The following HS1BP3 variants were observed in gnomAD, a reference collection of about 807,000 sequenced individuals.
The protein encoded by HS1BP3 is HCLS1-binding protein 3.
Under a neutral mutation model 33.5 loss-of-function variants are expected in HS1BP3, and 32 were observed. That is an observed-to-expected ratio of 0.95 (90% CI 0.72 to 1.28). HS1BP3 has a LOEUF of 1.28. Ranked by LOEUF, HS1BP3 falls within the 50% of genes most tolerant of loss-of-function variation. The pLI is 0.00. For synonymous variants in HS1BP3, 187 were observed against 209.2 expected, an observed-to-expected ratio of 0.89 and a Z score of 0.92; for missense variants, 486 against 502.3, an observed-to-expected ratio of 0.97 and a Z score of 0.31.
chr2:20,595,096 G>T (rs1359739584), intron 3 of HS1BP3, among the ~76,000 whole-genome samples: 2 of 152,152 alleles, frequency 1.3e-5, no homozygotes, highest in Non-Finnish European at 2.9e-5. Context: ...CTGCACAGCT[G>T]GAGCAGGGAG....
chr2:20,591,195 C>A (rs1693805228), downstream of HS1BP3: 1 of 167,158 alleles, frequency 6.0e-6, no homozygotes, highest in South Asian at 2.1e-4. Context: ...GAGAGGGACG[C>A]CTCCATCTGT....
At chr2:20,641,324 A>G in intron 2 of HS1BP3, 144 bp from the exon 3 acceptor site, 1 of 680,058 alleles carries the variant, frequency 1.5e-6, no homozygotes, top group Non-Finnish European at 2.5e-6. Flanking sequence ...CCTGTCTCCC[A>G]GCCTCAGGCT....
intron 6 of HS1BP3, among the ~76,000 whole-genome samples, chr2:20,621,958 G>C (rs561038842): frequency 8.0e-4 from 122 of 152,306 alleles, no homozygotes; most frequent in Non-Finnish European, 1.5e-3. Context: ...CAACCAGTGG[G>C]GGGTAAGGGA....
chr2:20,610,541 G>A (rs1008076334), intron 2 of HS1BP3, among the ~76,000 whole-genome samples: 1 of 152,026 alleles, frequency 6.6e-6, no homozygotes. Context: ...TTCATGGCTC[G>A]ATAGCACATT....
At chr2:20,554,696 C>A in the HS1BP3 span, among the ~76,000 whole-genome samples, 1 of 140,518 alleles carries the variant, frequency 7.1e-6, no homozygotes, top group Non-Finnish European at 1.5e-5. Flanking sequence ...AAGAGTGAAA[C>A]TCCACCTCAC....
chr2:20,645,261 G>T, intron 2 of HS1BP3, 79 bp downstream of exon 2: 2 of 1,446,314 alleles, frequency 1.4e-6, no homozygotes, highest in Middle Eastern at 2.1e-4. Flanking sequence ...GATGCTACTT[G>T]AACCCTGGTG....
At chr2:20,558,966 C>T (rs1167992635), downstream of HS1BP3, among the ~76,000 whole-genome samples, 2 of 152,186 alleles carry the variant, frequency 1.3e-5, no homozygotes, top group African/African-American at 4.8e-5. Flanking sequence ...TGCTGTGTGA[C>T]CTGGATGTGC....
At chr2:20,646,885 C>T (rs1216959147) in intron 1 of HS1BP3, among the ~76,000 whole-genome samples, 4 of 152,240 alleles carry the variant, frequency 2.6e-5, no homozygotes, top group African/African-American at 9.6e-5. Flanking sequence ...CCCAGACCCA[C>T]TTAAAATACA....
In HS1BP3 at chr2:20,566,284, G is replaced by A. The variant is rs960817274; in HGVS notation, c.303-5769C>T. ...CCTGTGCCGGGGTACAGCTCTAAGG[G>A]AGACACAGACACTGCTTGGGCTGAC... On this transcript the variant is annotated intron_variant, in intron 5 of 5. Transcript: ENST00000446825. Among the ~76,000 whole-genome samples the A allele has an allele frequency of 2.6e-5, 4 of 152,386 alleles. No homozygotes were observed. The South Asian group carries it at 8.3e-4, about 32-fold the overall frequency.
At chr2:20,556,680 G>T (rs1692849905), downstream of HS1BP3, among the ~76,000 whole-genome samples, 3 of 152,114 alleles carry the variant, frequency 2.0e-5, no homozygotes, top group African/African-American at 7.2e-5. Context: ...CACAAGACTT[G>T]GGGTCAGAGG....
chr2:20,635,538 A>G (rs1158601984), intron 4 of HS1BP3: 3 of 152,246 alleles, frequency 2.0e-5, no homozygotes, highest in African/African-American at 4.8e-5. Flanking sequence ...TTGAGTCACA[A>G]TGAAAAAGGT....
At chr2:20,638,174 G>A (rs553572823) in intron 4 of HS1BP3, 3 of 589,432 alleles carry the variant, frequency 5.1e-6, no homozygotes, top group African/African-American at 3.7e-5. Flanking sequence ...CCAAGCCCCA[G>A]TGCGGAGCCA....
downstream of HS1BP3, among the ~76,000 whole-genome samples, chr2:20,588,625 C>G (rs1002428963): frequency 6.6e-6 from 1 of 152,232 alleles, no homozygotes; most frequent in Non-Finnish European, 1.5e-5. Flanking sequence ...CCACGCCCAG[C>G]CTTCCAAGCC....
At chr2:20,609,430 G>C (rs1040770598) in intron 2 of HS1BP3, among the ~76,000 whole-genome samples, 2 of 131,640 alleles carry the variant, frequency 1.5e-5, no homozygotes, top group Admixed American at 8.1e-5. Context: ...GAAAAGGCCT[G>C]TTCTCGTGAG....
chr2:20,556,927 T>C (rs557552014), downstream of HS1BP3, among the ~76,000 whole-genome samples: 8 of 152,356 alleles, frequency 5.3e-5, no homozygotes, highest in South Asian at 2.1e-4. Flanking sequence ...TTCTGGTTCC[T>C]GTGCAGCCCG....
At chr2:20,631,954 CCTCTG>C (rs1694982600) in intron 4 of HS1BP3, among the ~76,000 whole-genome samples, 2 of 152,224 alleles carry the variant, frequency 1.3e-5, no homozygotes, top group Non-Finnish European at 2.9e-5. Context: ...CAGACCACAG[CCTCTG>C]CAGCAGTCAG....
Position 20,622,143 on chromosome 2 carries a change from C to T in HS1BP3, c.920+1753G>A, listed in dbSNP as rs1417557447. 4 of 1,256,096 alleles carry T rather than the reference C, an allele frequency of 3.2e-6. No individual in the cohort carries two copies. In the African/African-American group the frequency reaches 6.2e-5, roughly 20 times the overall value. 77.8% of individuals were successfully genotyped at this position (1,256,096 alleles called of 1,614,324 possible). On this transcript the variant is annotated intron_variant, in intron 6 of 6. Coordinates refer to ENST00000304031, the MANE Select transcript of HS1BP3 (RefSeq NM_022460.4). ...CCACGCGGCCTCAGGGTGGCTGAGG[C>T]TAGTGACAGAATGAACGAAGGGGTG...
chr2:20,590,421 C>T (rs930468543), downstream of HS1BP3, among the ~76,000 whole-genome samples: 4 of 152,208 alleles, frequency 2.6e-5, no homozygotes, highest in African/African-American at 9.7e-5. Flanking sequence ...TCAGGGCTGT[C>T]CTTCTCTGTA....
chr2:20,595,650 T>C lies in HS1BP3; in HGVS notation c.*12+2558A>G, dbSNP rs369417805. Among the ~76,000 whole-genome samples, 72 of 152,324 alleles carry C rather than the reference T, an allele frequency of 4.7e-4. No individual in the cohort carries two copies. In the South Asian group the frequency reaches 0.014, roughly 31 times the overall value. On this transcript the variant is annotated intron_variant, in intron 3 of 3. Transcript: ENST00000415264. ...CCCTTCCTCGACATGGCTGGTTTCTTCCCTAGGTCTATCTTTGGTTCCTGC... is the reference window on the plus strand; with the variant it reads ...CCCTTCCTCGACATGGCTGGTTTCTCCCCTAGGTCTATCTTTGGTTCCTGC...
Sources: allele counts gnomAD v4.1 joint callset (sites outside exome capture counted in the v4.1 genomes callset), GRCh38; gene constraint gnomAD v4.1.1; transcripts MANE v1.5; gene names NCBI Gene and HGNC (gene_info 2026-07-23, HGNC 2026-07-21).